The following PDP2 variants were observed in gnomAD, a reference collection of about 807,000 sequenced individuals.
PDP2 encodes the protein [Pyruvate dehydrogenase [acetyl-transferring]]-phosphatase 2, mitochondrial.
Under a neutral mutation model 34.2 loss-of-function variants are expected in PDP2, and 23 were observed. That is an observed-to-expected ratio of 0.67 (90% confidence interval 0.48 to 0.95). The LOEUF (loss-of-function observed/expected upper bound fraction) is 0.95, where lower values mean the gene tolerates loss of function less well. Ranked by LOEUF, PDP2 falls within the 40% of genes least tolerant of loss-of-function variation. The pLI is 0.00. For synonymous variants in PDP2, 275 were observed against 269.2 expected (o/e 1.02, Z -0.21); for missense variants, 571 against 659.6 (o/e 0.87, Z 1.47).
chr16:66,883,033 T>C (rs556918444), intron 1 of PDP2: 1 of 152,392 alleles, frequency 6.6e-6, no homozygotes, highest in African/African-American at 2.4e-5. Context: ...TCTCCTTATG[T>C]TGCCCAGGCT....
chr16:66,884,201 A>G, intron 1 of PDP2, 30 bp from the exon 2 acceptor site: 3 of 1,269,970 alleles, frequency 2.4e-6, no homozygotes, highest in Non-Finnish European at 3.3e-6. Context: ...AAAGAAATTA[A>G]ATTTGAAACT....
In PDP2 at chr16:66,884,857, G is replaced by T. The variant is rs377265506; in HGVS notation, c.573G>T (p.Lys191Asn). 3 of 1,613,890 alleles carry T rather than the reference G, an allele frequency of 1.9e-6. No homozygotes were observed. The African/African-American group carries it at 4.0e-5, about 22-fold the overall frequency. The change falls in exon 2 of 2, where the codon AAG becomes AAT. Residue 191 changes from lysine (K) to asparagine (N), a missense_variant. Physicochemically the swap from Lys to Asn is moderately conservative, Grantham distance 94 (BLOSUM62 0). Transcript: ENST00000311765. ...KPLLPILHWL[K>N]HPGDSIYKDV... is the part of the protein sequence containing the mutation. Reference sequence around the variant, plus strand: ...TGCTGCCCATCCTGCATTGGCTCAAGCACCCAGGGGACAGTATCTACAAGG... The same window carrying T: ...TGCTGCCCATCCTGCATTGGCTCAATCACCCAGGGGACAGTATCTACAAGG...
chr16:66,883,823 C>T (rs1261618475), intron 1 of PDP2, among the ~76,000 whole-genome samples: 1 of 152,018 alleles, frequency 6.6e-6, no homozygotes, highest in Non-Finnish European at 1.5e-5. Flanking sequence ...ATAGTTTATT[C>T]TAAGTCATTT....
In PDP2 at chr16:66,890,592, G is replaced by T. The variant is rs1961961741; in HGVS notation, c.*4718G>T. On this transcript the variant is annotated 3_prime_UTR_variant, in exon 2 of 2. Transcript: ENST00000311765. Reference sequence around the variant, plus strand: ...AATTAATTATACAGAACAAAACAAAGATGTGTTTAGAGTGACTCTGGCCTG... The same window carrying T: ...AATTAATTATACAGAACAAAACAAATATGTGTTTAGAGTGACTCTGGCCTG... 1 of 152,156 alleles carries T rather than the reference G, an allele frequency of 6.6e-6. No homozygotes were observed. The highest frequency in any genetic ancestry group is 6.5e-5 in the Admixed American group (1 of 15,272). The allele number at this position is 152,156 out of a possible 1,614,324, so 9.4% of individuals were successfully genotyped here.
chr16:66,881,824 G>T (rs1039356629), intron 1 of PDP2, among the ~76,000 whole-genome samples: 1 of 152,046 alleles, frequency 6.6e-6, no homozygotes, highest in Non-Finnish European at 1.5e-5. Context: ...GGGACTACAG[G>T]CACTTACCAC....
rs1961689268 is a variant in PDP2 at position 66,884,984 on chromosome 16, T to C, written c.700T>C (p.Ser234Pro). ...GLSIEEALMY[S>P]FQRLDSDISL... is the part of the protein sequence containing the mutation. Reference sequence around the variant, plus strand: ...AAGCATTGAAGAAGCATTAATGTACTCCTTCCAGAGACTGGATTCTGACAT... The same window carrying C: ...AAGCATTGAAGAAGCATTAATGTACCCCTTCCAGAGACTGGATTCTGACAT... Residue 234 changes from serine (S) to proline (P), a missense_variant, in exon 2 of 2, where the codon TCC (serine) becomes CCC (proline). By Grantham distance (74) the Ser-to-Pro change is moderately conservative. Around this residue, in one of 2 missense-constraint regions of PDP2, gnomAD observed 281 missense variants for 375.8 expected, o/e 0.75. Transcript: ENST00000311765. 1 of 1,613,534 alleles carries C rather than the reference T, an allele frequency of 6.2e-7. No individual in the cohort carries two copies. Among genetic ancestry groups the C allele is most frequent in the Non-Finnish European group, 8.5e-7 (1 of 1,179,726 alleles).
chr16:66,880,547 T>C lies in PDP2; in HGVS notation c.-148T>C, dbSNP rs1961472020. The C allele has an allele frequency of 6.6e-6, 1 of 152,536 alleles. No individual in the cohort carries two copies. Among genetic ancestry groups the C allele is most frequent in the South Asian group, 2.1e-4 (1 of 4,842 alleles). 9.4% of individuals were successfully genotyped at this position (152,536 alleles called of 1,614,324 possible). On this transcript the variant is annotated 5_prime_UTR_variant, in exon 1 of 2. Coordinates refer to ENST00000311765, the MANE Select transcript of PDP2 (RefSeq NM_020786.4). ...AGCTGGGTCCTGACTAGGGACCGCC[T>C]GGGTGAGGTGAGGACCTGGTGGCCG...
Position 66,890,704 on chromosome 16 carries a change from A to G in PDP2, c.*4830A>G, listed in dbSNP as rs796793321. On this transcript the variant is annotated 3_prime_UTR_variant, in exon 2 of 2. Transcript: ENST00000311765. ...GTTAAACTAGAATATTCTGGAACTG[A>G]GCTGTCCAAATTTCATCTTAAAGTG... 3.9e-5 allele frequency: 6 copies of G among 152,206 alleles called. No individual in the cohort carries two copies. In the South Asian group the frequency reaches 1.2e-3, roughly 32 times the overall value. The allele number at this position is 152,206 out of a possible 1,614,324, so 9.4% of individuals were successfully genotyped here.
intron 1 of PDP2, among the ~76,000 whole-genome samples, chr16:66,881,433 A>AT (rs202247341): frequency 0.11 from 12,402 of 115,900 alleles, 867 homozygotes; most frequent in African/African-American, 0.3. Context: ...TTTTTTTTTA[A>AT]TTTAATTTAA....
Position 66,886,030 on chromosome 16 carries a change from T to TA in PDP2, c.*162dup. On this transcript the variant is annotated 3_prime_UTR_variant, in exon 2 of 2. Coordinates refer to ENST00000311765, the MANE Select transcript of PDP2 (RefSeq NM_020786.4). ...AGGAAAAAAACAAACAGCCTAGCTT[T>TA]AAAAAACAGTGAAATAGCAGTGATT... The TA allele has an allele frequency of 1.4e-6, 1 of 699,164 alleles. No homozygotes were observed. The highest frequency in any genetic ancestry group is 1.9e-5 in the South Asian group (1 of 51,468). The allele number at this position is 699,164 out of a possible 1,614,324, so 43.3% of individuals were successfully genotyped here. A position where few individuals can be genotyped will look rare whatever the true frequency, so the allele number is the denominator to read the frequency against.
rs762773040 is a variant in PDP2 at position 66,884,828 on chromosome 16, C to G, written c.544C>G (p.Pro182Ala). 6.2e-7 allele frequency: 1 copy of G among 1,614,056 alleles called. No individual in the cohort carries two copies. The highest frequency in any genetic ancestry group is 8.5e-7 in the Non-Finnish European group (1 of 1,179,994). ...GGAGGGAGCTATGGAAAGCATGAAA[C>G]CCTTGCTGCCCATCCTGCATTGGCT... is the stretch of plus-strand genomic sequence containing the variant. ...HMEGAMESMK[P>A]LLPILHWLKH... is the part of the protein sequence containing the mutation. Residue 182 changes from proline to alanine, a missense_variant, in exon 2 of 2, where the codon CCC (proline) becomes GCC (alanine). Physicochemically the swap from Pro to Ala is conservative, Grantham distance 27. Coordinates refer to ENST00000311765, the MANE Select transcript of PDP2 (RefSeq NM_020786.4).
chr16:66,888,738 C>G lies in PDP2; in HGVS notation c.*2864C>G, dbSNP rs1031723796. 3 of 152,220 alleles carry G rather than the reference C, an allele frequency of 2.0e-5. No homozygotes were observed. The highest frequency in any genetic ancestry group is 4.4e-5 in the Non-Finnish European group (3 of 68,042). The allele number at this position is 152,220 out of a possible 1,614,324, so 9.4% of individuals were successfully genotyped here. A position where few individuals can be genotyped will look rare whatever the true frequency, so the allele number is the denominator to read the frequency against. On this transcript the variant is annotated 3_prime_UTR_variant, in exon 2 of 2. Coordinates refer to ENST00000311765, the MANE Select transcript of PDP2 (RefSeq NM_020786.4). ...GCTAAACCCTGGAGTATCCTTGAAG[C>G]CTTTACTGGCATACAGAGTACCTGA...
chr16:66,887,110 C>G lies in PDP2; in HGVS notation c.*1236C>G. On this transcript the variant is annotated 3_prime_UTR_variant, in exon 2 of 2. Coordinates refer to ENST00000311765, the MANE Select transcript of PDP2 (RefSeq NM_020786.4). ...GAGACTTATCAGATGGGACGCTTGC[C>G]CCAAGACTGTGGGATAAACCACCAT... 6.0e-6 allele frequency: 1 copy of G among 167,272 alleles called. No homozygotes were observed. The allele number at this position is 167,272 out of a possible 1,614,324, so 10.4% of individuals were successfully genotyped here.
intron 1 of PDP2, among the ~76,000 whole-genome samples, chr16:66,882,493 G>T (rs930759632): frequency 6.7e-6 from 1 of 150,274 alleles, no homozygotes; most frequent in African/African-American, 2.4e-5. Context: ...ACTTAGAGGG[G>T]TATATACCTA....
At chr16:66,883,319 A>C (rs1001677229) in intron 1 of PDP2, among the ~76,000 whole-genome samples, 1 of 152,062 alleles carries the variant, frequency 6.6e-6, no homozygotes, top group African/African-American at 2.4e-5. Context: ...TTTTTAGTAG[A>C]GACGGGGTTT....
At position 66,889,410 on chromosome 16, in the gene PDP2, C is replaced by CCCAGGCTACGT. The variant is rs1428858738; in HGVS notation, c.*3536_*3537insCCAGGCTACGT. On this transcript the variant is annotated 3_prime_UTR_variant, in exon 2 of 2. Coordinates refer to ENST00000311765, the MANE Select transcript of PDP2 (RefSeq NM_020786.4). ...CTGCCTCCCAGATTGAAGTGACTCT[C>CCCAGGCTACGT]GTGCCTCTGCCACAGAGTAGCTGGG... 17 of 152,112 alleles carry CCCAGGCTACGT rather than the reference C, an allele frequency of 1.1e-4. No homozygotes were observed. The highest frequency in any genetic ancestry group is 2.1e-4 in the Non-Finnish European group (14 of 68,036). The allele number at this position is 152,112 out of a possible 1,614,324, so 9.4% of individuals were successfully genotyped here.
chr16:66,883,596 G>A (rs56281128), intron 1 of PDP2, among the ~76,000 whole-genome samples: 15,994 of 151,756 alleles, frequency 0.11, 1,390 homozygotes, highest in African/African-American at 0.22. Flanking sequence ...ACACCACCAT[G>A]CCTGGCAATT....
chr16:66,882,165 C>T (rs1322352915), intron 1 of PDP2, among the ~76,000 whole-genome samples: 1 of 152,198 alleles, frequency 6.6e-6, no homozygotes, highest in African/African-American at 2.4e-5. Flanking sequence ...AAAATACGTA[C>T]AGAATGACTG....
Position 66,888,003 on chromosome 16 carries a change from T to C in PDP2, c.*2129T>C, listed in dbSNP as rs376970761. On this transcript the variant is annotated 3_prime_UTR_variant, in exon 2 of 2. Coordinates refer to ENST00000311765, the MANE Select transcript of PDP2 (RefSeq NM_020786.4). The stretch of plus-strand genomic sequence containing the variant: ...TATCTCTTAGTCCGTCCTTCCTTCC[T>C]TCCTTCCTTCCTTCCTTCCTTCCTT... The C allele has an allele frequency of 4.6e-5, 4 of 86,224 alleles. No individual in the cohort carries two copies. Among genetic ancestry groups the C allele is most frequent in the African/African-American group, 2.0e-4 (2 of 9,972 alleles). 5.3% of individuals were successfully genotyped at this position (86,224 alleles called of 1,614,324 possible). A position where few individuals can be genotyped will look rare whatever the true frequency, so the allele number is the denominator to read the frequency against.
Sources: allele counts gnomAD v4.1 joint callset (sites outside exome capture counted in the v4.1 genomes callset), GRCh38; gene constraint gnomAD v4.1.1; regional missense constraint gnomAD v4.1.1; transcripts MANE v1.5; gene names NCBI Gene and HGNC (gene_info 2026-07-23, HGNC 2026-07-21).